Variants in DCBLD1 observed in about 807,000 individuals in gnomAD.
The protein encoded by DCBLD1 is discoidin, CUB and LCCL domain containing 1, also known as discoidin, CUB and LCCL domain-containing protein 1.
Under a neutral mutation model 71.5 loss-of-function variants are expected in DCBLD1, and 57 were observed. That is an observed-to-expected ratio of 0.80 (90% CI 0.64 to 0.99). The LOEUF (loss-of-function observed/expected upper bound fraction) is 0.99. Among genes scored for constraint, DCBLD1 ranks in the 50% least tolerant of loss-of-function variants. The pLI, the probability that DCBLD1 is intolerant of heterozygous loss-of-function variation, is 0.00. For missense variants in DCBLD1, 891 were observed against 923.5 expected (o/e 0.96, Z 0.46); for synonymous variants, 380 against 363.8 (o/e 1.04, Z -0.51).
intron 2 of DCBLD1, among the ~76,000 whole-genome samples, chr6:117,515,105 C>T (rs77578306): frequency 0.056 from 8,507 of 151,444 alleles, 296 homozygotes; most frequent in Admixed American, 0.14. Context: ...CTGCAACCTC[C>T]ACCCCCCAGG....
At chr6:117,544,914 G>C (rs1407559669) in intron 13 of DCBLD1, among the ~76,000 whole-genome samples, 3 of 151,212 alleles carry the variant, frequency 2.0e-5, no homozygotes, top group Admixed American at 6.6e-5. Context: ...GTTAGCATCT[G>C]CAGGCCTGTG....
At chr6:117,561,224 CA>C (rs1365902704) in intron 14 of DCBLD1, 4 of 223,368 alleles carry the variant, frequency 1.8e-5, no homozygotes, top group Non-Finnish European at 3.6e-5. Context: ...CACAATTCTT[CA>C]AATTACACAG....
At position 117,548,706 on chromosome 6, in the gene DCBLD1, T is replaced by C. The variant is rs1470518799; in HGVS notation, c.*267T>C. 35 of 1,384,444 alleles carry C rather than the reference T, an allele frequency of 2.5e-5. No individual in the cohort carries two copies. Among genetic ancestry groups the C allele is most frequent in the Admixed American group, 3.3e-5 (1 of 30,552 alleles). The allele number at this position is 1,384,444 out of a possible 1,614,324, so 85.8% of individuals were successfully genotyped here. On this transcript the variant is annotated 3_prime_UTR_variant, in exon 15 of 15. Transcript: ENST00000338728. ...AATTTTCAGATGGCGTTTTCATTCCTCTGACTGATATTGAGCTGCTTTGGT... is the reference window on the plus strand; with the variant it reads ...AATTTTCAGATGGCGTTTTCATTCCCCTGACTGATATTGAGCTGCTTTGGT...
intron 2 of DCBLD1, among the ~76,000 whole-genome samples, chr6:117,512,192 G>A (rs1315459414): frequency 6.6e-6 from 1 of 152,166 alleles, no homozygotes; most frequent in Non-Finnish European, 1.5e-5. Flanking sequence ...AATGGCTTAA[G>A]TGGGTTGTGA....
At chr6:117,513,987 A>C (rs183019655) in intron 2 of DCBLD1, among the ~76,000 whole-genome samples, 2 of 152,294 alleles carry the variant, frequency 1.3e-5, no homozygotes, top group East Asian at 3.9e-4. Context: ...ACAAGAGATT[A>C]TCCTTAAAGG....
chr6:117,503,089 A>G (rs1397958916), intron 1 of DCBLD1, among the ~76,000 whole-genome samples: 1 of 152,228 alleles, frequency 6.6e-6, no homozygotes, highest in Non-Finnish European at 1.5e-5. Context: ...TCTGAGTTCT[A>G]TGAGACAGCA....
chr6:117,537,627 T>G (rs865962965), intron 7 of DCBLD1, among the ~76,000 whole-genome samples: 2 of 148,690 alleles, frequency 1.3e-5, no homozygotes, highest in Non-Finnish European at 3.0e-5. Context: ...AGGTTGTTTT[T>G]TTTTTTTTTC....
intron 7 of DCBLD1, 45 bp from the exon 8 acceptor site, chr6:117,538,574 TA>T: frequency 6.3e-7 from 1 of 1,579,242 alleles, no homozygotes; most frequent in Admixed American, 1.8e-5. Flanking sequence ...TTTTTGCTGT[TA>T]TTTTATGTCT....
chr6:117,538,365 C>T (rs569234640), intron 7 of DCBLD1, among the ~76,000 whole-genome samples: 3 of 152,086 alleles, frequency 2.0e-5, no homozygotes, highest in Admixed American at 1.3e-4. Flanking sequence ...ACAGTGGGGA[C>T]GAAGAGGTGT....
chr6:117,514,636 G>A (rs1368001883), intron 2 of DCBLD1, among the ~76,000 whole-genome samples: 2 of 151,378 alleles, frequency 1.3e-5, no homozygotes, highest in African/African-American at 4.9e-5. Flanking sequence ...TTTATATAGA[G>A]AGGGTATCTC....
chr6:117,515,571 C>T (rs1452315506), intron 2 of DCBLD1, among the ~76,000 whole-genome samples: 1 of 152,166 alleles, frequency 6.6e-6, no homozygotes, highest in Non-Finnish European at 1.5e-5. Flanking sequence ...ATATCTAAAA[C>T]AAACAGAATA....
chr6:117,487,045 T>A (rs1021556641), intron 1 of DCBLD1, among the ~76,000 whole-genome samples: 10 of 152,002 alleles, frequency 6.6e-5, no homozygotes, highest in African/African-American at 1.9e-4. Context: ...ACCATCCCCC[T>A]CCAACCCAGC....
At chr6:117,523,727 G>A (rs1197986046) in intron 4 of DCBLD1, among the ~76,000 whole-genome samples, 1 of 152,200 alleles carries the variant, frequency 6.6e-6, no homozygotes, top group East Asian at 1.9e-4. Flanking sequence ...TATTTGGATA[G>A]TTTTGATAAT....
At chr6:117,537,096 A>C in intron 6 of DCBLD1, 89 bp from the exon 7 acceptor site, 1 of 1,325,750 alleles carries the variant, frequency 7.5e-7, no homozygotes, top group South Asian at 1.2e-5. Context: ...ACAGGTGGGA[A>C]AGTTCTGTGA....
At chr6:117,485,855 G>A (rs1010006745) in intron 1 of DCBLD1, among the ~76,000 whole-genome samples, 1 of 152,208 alleles carries the variant, frequency 6.6e-6, no homozygotes, top group African/African-American at 2.4e-5. Flanking sequence ...ATGTAAGGAT[G>A]CCTTTTAAAT....
rs1779367692 is a variant in DCBLD1 at position 117,548,840 on chromosome 6, G to A, written c.*401G>A. On this transcript the variant is annotated 3_prime_UTR_variant, in exon 15 of 15. Coordinates refer to ENST00000338728, the MANE Select transcript of DCBLD1 (RefSeq NM_001366458.2). The stretch of plus-strand genomic sequence containing the variant: ...AGAGGTTAAGTGGGAAAATGCAGCT[G>A]TTGCAAAATGTATATAAATAGTATG... 1 of 1,048,666 alleles carries A rather than the reference G, an allele frequency of 9.5e-7. No homozygotes were observed. The highest frequency in any genetic ancestry group is 4.9e-5 in the Admixed American group (1 of 20,278). The allele number at this position is 1,048,666 out of a possible 1,614,324, so 65.0% of individuals were successfully genotyped here.
chr6:117,553,967 G>A (rs1435469632), downstream of DCBLD1, among the ~76,000 whole-genome samples: 1 of 152,084 alleles, frequency 6.6e-6, no homozygotes, highest in Non-Finnish European at 1.5e-5. Context: ...GATAATAATG[G>A]TATATACCTT....
chr6:117,508,448 A>G (rs1264571878), intron 2 of DCBLD1, among the ~76,000 whole-genome samples: 2 of 152,192 alleles, frequency 1.3e-5, no homozygotes, highest in Non-Finnish European at 2.9e-5. Flanking sequence ...ACACTAATAT[A>G]CACAAATTTA....
downstream of DCBLD1, among the ~76,000 whole-genome samples, chr6:117,554,476 T>G (rs1011979389): frequency 3.3e-5 from 5 of 152,246 alleles, no homozygotes; most frequent in Non-Finnish European, 7.3e-5. Flanking sequence ...GACTCCTCCC[T>G]AGAGCCAGTC....
Sources: gnomAD v4.1 joint callset for allele counts (sites outside exome capture counted in the v4.1 genomes callset) on GRCh38, gnomAD v4.1.1 for gene constraint, MANE v1.5 for transcripts, NCBI Gene and HGNC (gene_info 2026-07-23, HGNC 2026-07-21) for gene names.